RFTN1: variants seen among roughly 807,000 people sequenced by gnomAD.
RFTN1 encodes raftlin.
In RFTN1, 26 loss-of-function variants were observed where a neutral mutation model predicts 46.5. The ratio of observed to expected loss-of-function variants is 0.56; its 90% CI spans 0.41 to 0.78. The LOEUF is 0.78. RFTN1 is among the 30% of genes least tolerant of loss of function. RFTN1 has a pLI of 0.00. For synonymous variants in RFTN1, 261 were observed against 284.2 expected (o/e 0.92, Z 0.82); for missense variants, 693 against 718.7 (o/e 0.96, Z 0.41).
In RFTN1 at chr3:16,341,514, A is replaced by G. The variant is rs1300631742; in HGVS notation, c.1147-14638T>C. On this transcript the variant is annotated intron_variant, in intron 7 of 9. Coordinates refer to ENST00000334133, the MANE Select transcript of RFTN1 (RefSeq NM_015150.2). The surrounding 1 kb of genome is among the most constrained non-coding windows in gnomAD (Gnocchi z 4.7). ...AGAGATGGAGGAGCCTTAAATCCAT[A>G]TTACTAAGTGAAAGAAGCCAACTGG... Among the ~76,000 whole-genome samples, 2 of 152,202 alleles carry G rather than the reference A, an allele frequency of 1.3e-5. No homozygotes were observed. Among genetic ancestry groups the G allele is most frequent in the Non-Finnish European group, 2.9e-5 (2 of 68,038 alleles).
chr3:16,395,456 T>A (rs74282851), intron 4 of RFTN1, among the ~76,000 whole-genome samples: 3 of 152,138 alleles, frequency 2.0e-5, no homozygotes, highest in African/African-American at 7.2e-5. Flanking sequence ...AATTTTTTTT[T>A]TTTTAAAGAG....
chr3:16,454,729 T>C (rs2075875573), intron 2 of RFTN1: 1 of 983,058 alleles, frequency 1.0e-6, no homozygotes, highest in African/African-American at 1.7e-5. Flanking sequence ...TTCTTCAACC[T>C]ATACACCAAG....
At chr3:16,434,307 T>C (rs892882675) in intron 2 of RFTN1, among the ~76,000 whole-genome samples, 9 of 152,112 alleles carry the variant, frequency 5.9e-5, no homozygotes, top group African/African-American at 2.2e-4. Context: ...ATGGATCGCT[T>C]GAGCCGAGAA....
rs1379720071 is a variant in RFTN1, at chr3:16,468,139, C to T, written c.145+25586G>A. ...GACCCCAGAATGATAACAGGGTGAG[C>T]TATATTTATATCCCACGGCTGGTGA... On this transcript the variant is annotated intron_variant, in intron 2 of 9. Transcript: ENST00000334133. This position sits in a 1 kb window ranked among gnomAD's most constrained non-coding sequence, Gnocchi z 4.4. Among the ~76,000 whole-genome samples, 1 of 152,234 alleles carries T rather than the reference C, an allele frequency of 6.6e-6. No homozygotes were observed. The highest frequency in any genetic ancestry group is 2.4e-5 in the African/African-American group (1 of 41,452).
chr3:16,342,885 C>CCACT lies in RFTN1; in HGVS notation c.1146+15043_1146+15046dup, dbSNP rs1167722218. Among the ~76,000 whole-genome samples the CCACT allele has an allele frequency of 3.9e-5, 6 of 152,190 alleles. No homozygotes were observed. The highest frequency in any genetic ancestry group is 2.1e-4 in the South Asian group (1 of 4,828). ...GTTCCCTAATCTCCACCCCGAAGAC[C>CCACT]CACTGACTTTGAGTCTCGATCTCAG... On this transcript the variant is annotated intron_variant, in intron 7 of 9. Transcript: ENST00000334133. This position sits in a 1 kb window ranked among gnomAD's most constrained non-coding sequence, Gnocchi z 4.0.
rs1053407128 is a variant in RFTN1, at chr3:16,451,457, C to G, written c.146-17420G>C. 2.0e-5 allele frequency among the ~76,000 whole-genome samples: 3 copies of G among 152,074 alleles called. No homozygotes were observed. The highest frequency in any genetic ancestry group is 7.2e-5 in the African/African-American group (3 of 41,402). On this transcript the variant is annotated intron_variant, in intron 2 of 9. Transcript: ENST00000334133. This position sits in a 1 kb window ranked among gnomAD's most constrained non-coding sequence, Gnocchi z 4.2. ...ACCAACAGCTGGCTAGGTGTAGTCT[C>G]AAACCTGTTTATGCCAGTTGCACTG...
At chr3:16,411,831 T>A (rs1279959603) in intron 3 of RFTN1, among the ~76,000 whole-genome samples, 1 of 152,194 alleles carries the variant, frequency 6.6e-6, no homozygotes, top group East Asian at 1.9e-4. Context: ...CCATTGAGAT[T>A]TCAAATGAAT....
rs2075445304 is a variant in RFTN1, at chr3:16,433,914, T to C, written c.269A>G (p.His90Arg). ...CTCCAGGGGCGTCTTCTCCCGCTCATGGGTGGGCTGCACGAAGGGGTGCAG... is the reference window on the plus strand; with the variant it reads ...CTCCAGGGGCGTCTTCTCCCGCTCACGGGTGGGCTGCACGAAGGGGTGCAG... ...AALHPFVQPT[H>R]EREKTPLEHI... Residue 90 changes from histidine (H) to arginine (R), a missense_variant, in exon 3 of 10, where the codon CAT (histidine) becomes CGT (arginine). By Grantham distance (29) the His-to-Arg change is conservative (BLOSUM62 0). Coordinates refer to ENST00000334133, the MANE Select transcript of RFTN1 (RefSeq NM_015150.2). This position sits in a 1 kb window ranked among gnomAD's most constrained non-coding sequence, Gnocchi z 4.4. 3.1e-6 allele frequency: 5 copies of C among 1,614,000 alleles called. No homozygotes were observed. Among genetic ancestry groups the C allele is most frequent in the South Asian group, 2.2e-5 (2 of 91,076 alleles).
chr3:16,393,123 G>A (rs4684279), intron 4 of RFTN1, among the ~76,000 whole-genome samples: 24,922 of 152,092 alleles, frequency 0.16, 2,346 homozygotes, highest in East Asian at 0.3. Context: ...ACAGTAACGT[G>A]TCTTAAGAGG....
chr3:16,470,589 T>A (rs1175663490), intron 2 of RFTN1, among the ~76,000 whole-genome samples: 2 of 152,200 alleles, frequency 1.3e-5, no homozygotes, highest in African/African-American at 4.8e-5. Flanking sequence ...TGCCCAGATC[T>A]CTGGCAGACT....
At position 16,450,881 on chromosome 3, in the gene RFTN1, C is replaced by T. The variant is rs1346609272; in HGVS notation, c.146-16844G>A. Among the ~76,000 whole-genome samples, 1 of 151,958 alleles carries T rather than the reference C, an allele frequency of 6.6e-6. No individual in the cohort carries two copies. Among genetic ancestry groups the T allele is most frequent in the Non-Finnish European group, 1.5e-5 (1 of 68,014 alleles). ...CTCCTAGGTCTCTGGTTTGCATGGACCTGAACAGATAGTGGTGACTTTCAC... is the reference window on the plus strand; with the variant it reads ...CTCCTAGGTCTCTGGTTTGCATGGATCTGAACAGATAGTGGTGACTTTCAC... On this transcript the variant is annotated intron_variant, in intron 2 of 9. Transcript: ENST00000334133. This position sits in a 1 kb window ranked among gnomAD's most constrained non-coding sequence, Gnocchi z 4.6.
Position 16,329,735 on chromosome 3 carries a change from A to G in RFTN1, c.1147-2859T>C, listed in dbSNP as rs2070116786. On this transcript the variant is annotated intron_variant, in intron 7 of 9. Transcript: ENST00000334133. This position sits in a 1 kb window ranked among gnomAD's most constrained non-coding sequence, Gnocchi z 4.5. ...TCTCAAGCTTTGCGAGGTTATGATT[A>G]CTTGGGCCTATCAAGAATAACCTTC... Among the ~76,000 whole-genome samples the G allele has an allele frequency of 6.6e-6, 1 of 152,198 alleles. No individual in the cohort carries two copies. The highest frequency in any genetic ancestry group is 1.9e-4 in the East Asian group (1 of 5,192).
intron 4 of RFTN1, among the ~76,000 whole-genome samples, chr3:16,390,712 CATCT>C (rs1366071679): frequency 6.6e-6 from 1 of 152,134 alleles, no homozygotes; most frequent in African/African-American, 2.4e-5. Context: ...AAAATATATC[CATCT>C]GTGTTATTCT....
chr3:16,439,339 T>C (rs2125507552), intron 2 of RFTN1, among the ~76,000 whole-genome samples: 1 of 152,342 alleles, frequency 6.6e-6, no homozygotes, highest in East Asian at 1.9e-4. Context: ...TGTTGGTCTG[T>C]TTCTCACCCT....
intron 2 of RFTN1, among the ~76,000 whole-genome samples, chr3:16,490,018 G>A (rs1004089782): frequency 3.1e-4 from 47 of 152,286 alleles, no homozygotes; most frequent in African/African-American, 1.0e-3. Context: ...GGAGAATAAA[G>A]AATAATCTCA....
rs2076138436 is a variant in RFTN1, at chr3:16,468,420, G to A, written c.145+25305C>T. 6.6e-6 allele frequency among the ~76,000 whole-genome samples: 1 copy of A among 152,090 alleles called. No individual in the cohort carries two copies. The highest frequency in any genetic ancestry group is 2.1e-4 in the South Asian group (1 of 4,814). ...AAAAATGTCCCCACCCTGGGATCAG[G>A]CATCAGATCCTAACAACACTGACAG... On this transcript the variant is annotated intron_variant, in intron 2 of 9. Transcript: ENST00000334133. This position sits in a 1 kb window ranked among gnomAD's most constrained non-coding sequence, Gnocchi z 4.4.
chr3:16,317,031 C>T lies in RFTN1; in HGVS notation c.1534G>A (p.Val512Ile). The change falls in exon 10 of 10, where the codon GTC becomes ATC. Residue 512 changes from valine to isoleucine, a missense_variant. Transcript: ENST00000334133. The surrounding 1 kb of genome is among the most constrained non-coding windows in gnomAD (Gnocchi z 4.3). ...AGCTGTTCTCCCTTGTCCTCTTGGA[C>T]AGGGCCCTTCATCTCCTCGGAGACT... ...GGVSEEMKGP[V>I]QEDKGEQLSP... 1 of 1,613,832 alleles carries T rather than the reference C, an allele frequency of 6.2e-7. No homozygotes were observed. The highest frequency in any genetic ancestry group is 8.5e-7 in the Non-Finnish European group (1 of 1,179,968).
chr3:16,502,383 CAA>C (rs140019736), intron 1 of RFTN1, among the ~76,000 whole-genome samples: 70 of 70,892 alleles, frequency 9.9e-4, no homozygotes, highest in East Asian at 1.1e-3. Context: ...GACCTTGTCT[CAA>C]AAAAAAAAAA....
rs1284923851 is a variant in RFTN1 at position 16,400,677 on chromosome 3, A to C, written c.441+8698T>G. Reference sequence around the variant, plus strand: ...CCTTTTTTGGGGAGTGATTGAGACAAGCGTATGACCCCTTCCCTCCCTCCG... The same window carrying C: ...CCTTTTTTGGGGAGTGATTGAGACACGCGTATGACCCCTTCCCTCCCTCCG... On this transcript the variant is annotated intron_variant, in intron 4 of 9. Coordinates refer to ENST00000334133, the MANE Select transcript of RFTN1 (RefSeq NM_015150.2). The surrounding 1 kb of genome is among the most constrained non-coding windows in gnomAD (Gnocchi z 4.5). 6.6e-6 allele frequency among the ~76,000 whole-genome samples: 1 copy of C among 152,200 alleles called. No homozygotes were observed. The highest frequency in any genetic ancestry group is 1.5e-5 in the Non-Finnish European group (1 of 68,036).
Sources: gnomAD v4.1 joint callset for allele counts (sites outside exome capture counted in the v4.1 genomes callset) on GRCh38, gnomAD v4.1.1 for gene constraint, Gnocchi (gnomAD v3.1) non-coding constraint, MANE v1.5 for transcripts, NCBI Gene and HGNC (gene_info 2026-07-23, HGNC 2026-07-21) for gene names.